Variants in CAB39L observed in about 807,000 individuals in gnomAD.
The protein encoded by CAB39L is calcium binding protein 39 like.
A neutral mutation model predicts 39.1 loss-of-function variants in CAB39L; 23 were observed. That is an observed-to-expected ratio of 0.59 (90% CI 0.42 to 0.83). The LOEUF (loss-of-function observed/expected upper bound fraction) is 0.83, where lower values mean the gene tolerates loss of function less well. CAB39L is among the 40% of genes least tolerant of loss of function. CAB39L has a pLI of 0.00. For missense variants in CAB39L, 366 were observed against 391.9 expected (o/e 0.93, Z 0.56); for synonymous variants, 126 against 137.2 (o/e 0.92, Z 0.57).
intron 6 of CAB39L, 34 bp from the exon 7 acceptor site, chr13:49,350,946 T>C (rs1240474619): frequency 1.4e-6 from 2 of 1,474,784 alleles, no homozygotes; most frequent in Non-Finnish European, 1.8e-6. Context: ...TAGAGAACTC[T>C]GTTATCCTAT....
At chr13:49,386,835 C>T (rs1413929605) in intron 3 of CAB39L, among the ~76,000 whole-genome samples, 2 of 151,922 alleles carry the variant, frequency 1.3e-5, no homozygotes, top group East Asian at 1.9e-4. Flanking sequence ...AACACCTCCC[C>T]CACTCCCAGA....
chr13:49,351,707 G>A (rs567038856), intron 6 of CAB39L, among the ~76,000 whole-genome samples: 2 of 152,212 alleles, frequency 1.3e-5, no homozygotes, highest in South Asian at 2.1e-4. Context: ...GAGAGGGAAC[G>A]GGGGCTTGGC....
rs1957372716 is a variant in CAB39L at position 49,434,242 on chromosome 13, AACAGC to A, written c.-245-24_-245-20del. ...GGATATCCTGCAATAATGTAGGAAA[AACAGC>A]ACAGGCTTTGGAGTCACATCAATCT... On this transcript the variant is annotated intron_variant, in intron 1 of 10. Coordinates refer to ENST00000409308, the MANE Select transcript of CAB39L (RefSeq NM_001079670.3). 2.2e-6 allele frequency: 1 copy of A among 447,944 alleles called. No homozygotes were observed. Among genetic ancestry groups the A allele is most frequent in the Non-Finnish European group, 4.5e-6 (1 of 223,748 alleles). 27.7% of individuals were successfully genotyped at this position (447,944 alleles called of 1,614,324 possible).
At chr13:49,313,208 G>A (rs999618446) in intron 10 of CAB39L, among the ~76,000 whole-genome samples, 6 of 152,246 alleles carry the variant, frequency 3.9e-5, no homozygotes, top group Admixed American at 2.0e-4. Context: ...TGGGCCAGGC[G>A]CGGTGGCTCA....
chr13:49,358,018 TTAGA>T lies in CAB39L; in HGVS notation c.395+1692_395+1695del, dbSNP rs1420382527. ...CGAAATGGCAATGAACAAAGTGATCTTAGATAGCACATGCTGAAGATGACAGAAC... is the reference window on the plus strand; with the variant it reads ...CGAAATGGCAATGAACAAAGTGATCTTAGCACATGCTGAAGATGACAGAAC... On this transcript the variant is annotated intron_variant, in intron 6 of 10. Transcript: ENST00000409308. Among the ~76,000 whole-genome samples the T allele has an allele frequency of 2.0e-5, 3 of 152,226 alleles. No homozygotes were observed. The East Asian group carries it at 5.8e-4, about 29-fold the overall frequency.
intron 10 of CAB39L, among the ~76,000 whole-genome samples, chr13:49,313,269 CAGG>C (rs1478064103): frequency 6.6e-6 from 1 of 152,098 alleles, no homozygotes; most frequent in Non-Finnish European, 1.5e-5. Context: ...ATCACGAAGT[CAGG>C]AGATCGAGAC....
chr13:49,412,412 A>C (rs1957008674), intron 3 of CAB39L, among the ~76,000 whole-genome samples: 1 of 152,104 alleles, frequency 6.6e-6, no homozygotes, highest in African/African-American at 2.4e-5. Context: ...GCACCAACCT[A>C]ATAATAAGCA....
chr13:49,309,539 T>C lies in CAB39L; in HGVS notation c.*1275A>G, dbSNP rs1953928928. On this transcript the variant is annotated 3_prime_UTR_variant, in exon 11 of 11. Transcript: ENST00000409308. The stretch of plus-strand genomic sequence containing the variant: ...TGTAAAAAATACAGATCAACAATTG[T>C]GCCTTTCATTCTTGTAAAATATCGC... 1 of 152,234 alleles carries C rather than the reference T, an allele frequency of 6.6e-6. No homozygotes were observed. Among genetic ancestry groups the C allele is most frequent in the African/African-American group, 2.4e-5 (1 of 41,456 alleles). 9.4% of individuals were successfully genotyped at this position (152,234 alleles called of 1,614,324 possible). A position where few individuals can be genotyped will look rare whatever the true frequency, so the allele number is the denominator to read the frequency against.
chr13:49,414,007 C>T (rs529490575), intron 3 of CAB39L: 4 of 152,312 alleles, frequency 2.6e-5, no homozygotes, highest in South Asian at 4.1e-4. Flanking sequence ...GACATACCTC[C>T]TTAAAAGGCA....
chr13:49,327,651 T>A (rs1954544913), intron 10 of CAB39L, among the ~76,000 whole-genome samples: 1 of 152,240 alleles, frequency 6.6e-6, no homozygotes, highest in African/African-American at 2.4e-5. Flanking sequence ...AATCCACACT[T>A]AGTGTTCTTT....
Position 49,417,880 on chromosome 13 carries a change from T to C in CAB39L, c.-32+15438A>G, listed in dbSNP as rs145469888. 8.3e-3 allele frequency among the ~76,000 whole-genome samples: 1,261 copies of C among 152,278 alleles called. 8 individuals carry two copies. Among genetic ancestry groups the C allele is most frequent in the Non-Finnish European group, 0.014 (919 of 68,008 alleles). On this transcript the variant is annotated intron_variant, in intron 3 of 10. Coordinates refer to ENST00000409308, the MANE Select transcript of CAB39L (RefSeq NM_001079670.3). The stretch of plus-strand genomic sequence containing the variant: ...AGAAAGTGAGAATACCCACTAGGGA[T>C]GGCTATAATGAAAAAGACATACTAA...
At chr13:49,333,556 C>A (rs921350263) in intron 9 of CAB39L, among the ~76,000 whole-genome samples, 1 of 138,600 alleles carries the variant, frequency 7.2e-6, no homozygotes, top group African/African-American at 2.6e-5. Context: ...ACCCACATTT[C>A]TTTCTTTCTT....
At chr13:49,395,588 TAA>T (rs1956597107) in intron 3 of CAB39L, among the ~76,000 whole-genome samples, 1 of 152,156 alleles carries the variant, frequency 6.6e-6, no homozygotes, top group South Asian at 2.1e-4. Context: ...TAAAGTTTCA[TAA>T]AGAGTAGTAC....
intron 9 of CAB39L, 29 bp downstream of exon 9, chr13:49,339,648 G>T: frequency 1.3e-6 from 2 of 1,535,332 alleles, no homozygotes; most frequent in South Asian, 2.7e-5. Context: ...AACTTACGGG[G>T]ACACTGACTT....
chr13:49,423,071 G>T (rs1957193619), intron 3 of CAB39L, among the ~76,000 whole-genome samples: 1 of 152,184 alleles, frequency 6.6e-6, no homozygotes, highest in Non-Finnish European at 1.5e-5. Context: ...TACAGCTTGG[G>T]TGAGGATAAA....
chr13:49,419,639 TCA>T (rs1957142036), intron 3 of CAB39L, among the ~76,000 whole-genome samples: 1 of 152,182 alleles, frequency 6.6e-6, no homozygotes, highest in South Asian at 2.1e-4. Context: ...AGTGCTTGAA[TCA>T]CAGTTTTCAA....
chr13:49,335,001 GCA>G (rs1193201238), intron 9 of CAB39L, among the ~76,000 whole-genome samples: 1 of 152,068 alleles, frequency 6.6e-6, no homozygotes, highest in Non-Finnish European at 1.5e-5. Context: ...TTGGAAAAGG[GCA>G]CCTAGGTTAA....
intron 8 of CAB39L, among the ~76,000 whole-genome samples, chr13:49,340,646 G>A (rs1954982460): frequency 6.6e-6 from 1 of 152,200 alleles, no homozygotes. Context: ...AACACAAGGA[G>A]AATTTTGTGG....
intron 6 of CAB39L, 179 bp from the exon 7 acceptor site, chr13:49,351,091 G>T: frequency 8.4e-6 from 3 of 356,428 alleles, no homozygotes; most frequent in East Asian, 4.6e-5. Context: ...GACGTATTCT[G>T]GAATTTGAGT....
Sources: gnomAD v4.1 joint callset for allele counts (sites outside exome capture counted in the v4.1 genomes callset) on GRCh38, gnomAD v4.1.1 for gene constraint, MANE v1.5 for transcripts, NCBI Gene and HGNC (gene_info 2026-07-23, HGNC 2026-07-21) for gene names.